Variants in CTBP1 observed in about 807,000 individuals in gnomAD.
CTBP1 encodes C-terminal-binding protein 1.
A neutral mutation model predicts 42.1 loss-of-function variants in CTBP1; 11 were observed. That is an observed-to-expected ratio of 0.26 (90% confidence interval 0.16 to 0.43). The LOEUF is 0.43. Ranked by LOEUF, CTBP1 falls within the 20% of genes least tolerant of loss-of-function variation. The probability of loss-of-function intolerance (pLI) is 1.00; values close to 1 mark genes in which losing one functional copy is unlikely to be tolerated. For missense variants in CTBP1, 399 were observed against 624.3 expected (o/e 0.64, Z 3.85); for synonymous variants, 324 against 277.1 (o/e 1.17, Z -1.68).
At chr4:1,219,601 T>G (rs1485722377) in intron 5 of CTBP1, among the ~76,000 whole-genome samples, 1 of 152,012 alleles carries the variant, frequency 6.6e-6, no homozygotes, top group African/African-American at 2.4e-5. Context: ...AAGGCAAAAA[T>G]AAAGAAATTA....
At chr4:1,239,561 C>T (rs2108790374) in intron 2 of CTBP1, among the ~76,000 whole-genome samples, 1 of 152,326 alleles carries the variant, frequency 6.6e-6, no homozygotes, top group East Asian at 1.9e-4. Flanking sequence ...TGCCAGTATC[C>T]AGGAAGCAGG....
At chr4:1,226,820 G>T (rs1730398764) in intron 4 of CTBP1, among the ~76,000 whole-genome samples, 1 of 151,488 alleles carries the variant, frequency 6.6e-6, no homozygotes, top group South Asian at 2.1e-4. Context: ...TTTGGCCCAT[G>T]GGCGCCGGCG....
chr4:1,238,014 C>T lies in CTBP1; in HGVS notation c.162+169G>A, dbSNP rs951123392. On this transcript the variant is annotated intron_variant, in intron 3 of 9. Coordinates refer to ENST00000382952, the MANE Select transcript of CTBP1 (RefSeq NM_001012614.2). This position sits in a 1 kb window ranked among gnomAD's most constrained non-coding sequence, Gnocchi z 5.9. Reference sequence around the variant, plus strand: ...CCGATGTCCACCTCCTGATGGTGTCCAGGGAAAACCCCGTGTCCACCTCCT... The same window carrying T: ...CCGATGTCCACCTCCTGATGGTGTCTAGGGAAAACCCCGTGTCCACCTCCT... 26 of 874,638 alleles carry T rather than the reference C, an allele frequency of 3.0e-5. 1 individual carries two copies. Among genetic ancestry groups the T allele is most frequent in the African/African-American group, 3.3e-5 (2 of 60,584 alleles). 54.2% of individuals were successfully genotyped at this position (874,638 alleles called of 1,614,324 possible). A position where few individuals can be genotyped will look rare whatever the true frequency, so the allele number is the denominator to read the frequency against.
intron 1 of CTBP1, chr4:1,241,814 C>A: frequency 8.5e-7 from 1 of 1,173,606 alleles, no homozygotes; most frequent in Non-Finnish European, 1.1e-6. Context: ...CCCACAGGCT[C>A]TAGCCGCATC....
At chr4:1,244,670 C>A in intron 1 of CTBP1, 1 of 985,450 alleles carries the variant, frequency 1.0e-6, no homozygotes, top group South Asian at 4.7e-5. Context: ...CAGAAGGGCA[C>A]CCTAAGGCTG....
Position 1,216,212 on chromosome 4 carries a change from G to T in CTBP1, c.515-7C>A, listed in dbSNP as rs1255780713. On this transcript the variant is annotated splice_polypyrimidine_tract_variant and splice_region_variant and intron_variant, in intron 5 of 9. Coordinates refer to ENST00000382952, the MANE Select transcript of CTBP1 (RefSeq NM_001012614.2). ...ACTGCCTGCCCCACGCGACCTGGTG[G>T]CGTCAAGACACAGTGTGAGACCCTT... is the stretch of plus-strand genomic sequence containing the variant. The T allele has an allele frequency of 6.2e-7, 1 of 1,607,700 alleles. No homozygotes were observed. The highest frequency in any genetic ancestry group is 1.7e-5 in the Admixed American group (1 of 59,814).
rs1349050212 is a variant in CTBP1, at chr4:1,249,013, C to G, written c.-286G>C. 4 of 887,546 alleles carry G rather than the reference C, an allele frequency of 4.5e-6. No individual in the cohort carries two copies. In the African/African-American group the frequency reaches 5.5e-5, roughly 12 times the overall value. The allele number at this position is 887,546 out of a possible 1,614,324, so 55.0% of individuals were successfully genotyped here. A position where few individuals can be genotyped will look rare whatever the true frequency, so the allele number is the denominator to read the frequency against. ...CTCCGGCGCGCTGCGCCGCCGCGAG[C>G]CCGGCGCGTGGGGCGGCCTCGGCGC... On this transcript the variant is annotated 5_prime_UTR_variant, in exon 1 of 10. Transcript: ENST00000382952.
At chr4:1,224,129 T>C (rs1000229421) in intron 5 of CTBP1, among the ~76,000 whole-genome samples, 15 of 152,196 alleles carry the variant, frequency 9.9e-5, no homozygotes, top group African/African-American at 3.4e-4. Context: ...TGCTAGACCG[T>C]GGTTGATGTG....
At chr4:1,248,763 CCACGCGCGGACGCCGGCGCG>C (rs1393871170) in intron 1 of CTBP1, 133 bp downstream of exon 1, 6 of 975,894 alleles carry the variant, frequency 6.1e-6, no homozygotes, top group Non-Finnish European at 7.3e-6. Context: ...CCGACCGCGG[CCACGCGCGGACGCCGGCGCG>C]CACGCGCACT....
At chr4:1,243,369 T>G (rs1324105304) in intron 1 of CTBP1, 2 of 985,190 alleles carry the variant, frequency 2.0e-6, no homozygotes, top group African/African-American at 3.5e-5. Context: ...CCTGGGGCCC[T>G]GCACTCCCTG....
chr4:1,237,617 C>A (rs1731682056), intron 3 of CTBP1: 1 of 628,726 alleles, frequency 1.6e-6, no homozygotes, highest in African/African-American at 1.9e-5. Flanking sequence ...GTGTTCACCT[C>A]CTGATGGGGC....
chr4:1,232,014 TTC>T (rs1731013457), intron 3 of CTBP1, among the ~76,000 whole-genome samples: 1 of 152,260 alleles, frequency 6.6e-6, no homozygotes, highest in South Asian at 2.1e-4. Context: ...GTCGGGATTT[TTC>T]TGTTTCTACT....
chr4:1,241,748 G>GC, intron 1 of CTBP1: 2 of 1,195,336 alleles, frequency 1.7e-6, no homozygotes, highest in Non-Finnish European at 2.1e-6. Flanking sequence ...CCGAGGCCGC[G>GC]CCCCTGTGGC....
At position 1,225,579 on chromosome 4, in the gene CTBP1, G is replaced by C; in HGVS notation, c.308-13C>G. ...CAGACGGCAATGCCTGTGGGGACAA[G>C]GACACGGCGGTCACCCCCGGGCCGG... On this transcript the variant is annotated splice_polypyrimidine_tract_variant and intron_variant, in intron 4 of 9. Transcript: ENST00000382952. The C allele has an allele frequency of 6.5e-7, 1 of 1,536,986 alleles. No homozygotes were observed. The highest frequency in any genetic ancestry group is 8.7e-7 in the Non-Finnish European group (1 of 1,145,672).
intron 3 of CTBP1, among the ~76,000 whole-genome samples, chr4:1,230,180 A>C (rs749869516): frequency 3.3e-5 from 5 of 151,564 alleles, no homozygotes; most frequent in African/African-American, 9.7e-5. Context: ...GACGGGGTGA[A>C]CCCTGGTGTA....
Position 1,212,320 on chromosome 4 carries a change from C to A in CTBP1, c.1210G>T (p.Ala404Ser). 6.6e-7 allele frequency: 1 copy of A among 1,516,578 alleles called. No individual in the cohort carries two copies. The highest frequency in any genetic ancestry group is 8.8e-7 in the Non-Finnish European group (1 of 1,136,768). The allele number at this position is 1,516,578 out of a possible 1,614,324, so 93.9% of individuals were successfully genotyped here. The change falls in exon 10 of 10, where the codon GCC becomes TCC. Residue 404 changes from alanine to serine, a missense_variant. Transcript: ENST00000382952. ...GGAGAAGGGGCGTGGGGCGGGTGGG[C>A]CACAGGGGGCAGGCCGTGGGACAGG... ...MSLSHGLPPV[A>S]HPPHAPSPGQ...
intron 1 of CTBP1, chr4:1,243,782 C>A: frequency 1.0e-6 from 1 of 985,462 alleles, no homozygotes; most frequent in South Asian, 4.7e-5. Flanking sequence ...ACACGGCTCC[C>A]AGAGGGGCCT....
intron 1 of CTBP1, chr4:1,242,917 C>T (rs1005113726): frequency 2.5e-4 from 249 of 985,214 alleles, no homozygotes; most frequent in Non-Finnish European, 1.8e-4. Flanking sequence ...CAATGCCAGC[C>T]GATACTCATC....
chr4:1,217,624 C>G (rs2108722916), intron 5 of CTBP1: 1 of 152,388 alleles, frequency 6.6e-6, no homozygotes, highest in South Asian at 2.1e-4. Flanking sequence ...CGAAAACCAG[C>G]TAAAGCCGCG....
Sources: gnomAD v4.1 joint callset for allele counts (sites outside exome capture counted in the v4.1 genomes callset) on GRCh38, gnomAD v4.1.1 for gene constraint, Gnocchi (gnomAD v3.1) non-coding constraint, MANE v1.5 for transcripts, NCBI Gene and HGNC (gene_info 2026-07-23, HGNC 2026-07-21) for gene names.